PRKN: variants seen among roughly 807,000 people sequenced by gnomAD.
The protein encoded by PRKN is E3 ubiquitin-protein ligase parkin.
Under a neutral mutation model 59.5 loss-of-function variants are expected in PRKN, and 56 were observed. The observed-to-expected ratio is 0.94, with a 90% CI of 0.76 to 1.18. The LOEUF (loss-of-function observed/expected upper bound fraction) is 1.18. PRKN is among the 50% of genes most tolerant of loss of function. PRKN has a pLI of 0.00. For synonymous variants in PRKN, 250 were observed against 222.1 expected (o/e 1.13, Z -1.12); for missense variants, 657 against 596.4 (o/e 1.10, Z -1.06).
At chr6:162,295,896 T>C (rs925940524) in intron 2 of PRKN, among the ~76,000 whole-genome samples, 9 of 152,130 alleles carry the variant, frequency 5.9e-5, no homozygotes, top group African/African-American at 2.2e-4. Flanking sequence ...ACAAGGAGCA[T>C]TGTTAATACA....
At chr6:162,225,803 G>A (rs1778143252) in intron 3 of PRKN, among the ~76,000 whole-genome samples, 1 of 151,666 alleles carries the variant, frequency 6.6e-6, no homozygotes, top group Non-Finnish European at 1.5e-5. Flanking sequence ...CATATAAAAG[G>A]ACAATGTGGA....
rs1443309003 is a variant in PRKN, at chr6:162,235,950, GAAGA to G, written c.412+26571_412+26574del. 2.6e-3 allele frequency among the ~76,000 whole-genome samples: 267 copies of G among 102,048 alleles called. 3 individuals are homozygous for G. The highest frequency in any genetic ancestry group is 4.5e-3 in the Middle Eastern group (1 of 224). The allele number at this position is 102,048 out of a possible 152,430, so 66.9% of individuals were successfully genotyped here. A position where few individuals can be genotyped will look rare whatever the true frequency, so the allele number is the denominator to read the frequency against. On this transcript the variant is annotated intron_variant, in intron 3 of 11. Transcript: ENST00000366898. The stretch of plus-strand genomic sequence containing the variant: ...GGAAGGAAGGAAGGAAGGAAGGAAG[GAAGA>G]AAGGAAGAAAGAAAGAAAGAAAGAA...
chr6:162,075,629 C>T (rs1778790021), intron 4 of PRKN, among the ~76,000 whole-genome samples: 1 of 144,734 alleles, frequency 6.9e-6, no homozygotes, highest in African/African-American at 2.6e-5. Flanking sequence ...CAACAACTAT[C>T]TTGACCACTC....
chr6:162,294,339 C>G (rs1019774391), intron 2 of PRKN, among the ~76,000 whole-genome samples: 1 of 150,816 alleles, frequency 6.6e-6, no homozygotes, highest in Admixed American at 6.6e-5. Flanking sequence ...AGGAGGTGAA[C>G]AGAGAGAGAG....
chr6:162,094,947 G>A (rs944788795), intron 4 of PRKN, among the ~76,000 whole-genome samples: 1 of 152,100 alleles, frequency 6.6e-6, no homozygotes, highest in Non-Finnish European at 1.5e-5. Context: ...AAATAGTATT[G>A]ATGGAGATGT....
rs138200180 is a variant in PRKN, at chr6:162,630,305, G to A, written c.7+97357C>T. On this transcript the variant is annotated intron_variant, in intron 1 of 11. Coordinates refer to ENST00000366898, the MANE Select transcript of PRKN (RefSeq NM_004562.3). Reference sequence around the variant, plus strand: ...CCTGCCAAGCTAACAGGTTTTCTTCGTACTAATGCTGCACAGATCTTCAGA... The same window carrying A: ...CCTGCCAAGCTAACAGGTTTTCTTCATACTAATGCTGCACAGATCTTCAGA... Among the ~76,000 whole-genome samples, 69 of 152,096 alleles carry A rather than the reference G, an allele frequency of 4.5e-4. 1 individual carries two copies. The East Asian group carries it at 0.012, about 26-fold the overall frequency.
chr6:161,384,858 CG>C (rs1562411186), intron 10 of PRKN, among the ~76,000 whole-genome samples: 1 of 152,148 alleles, frequency 6.6e-6, no homozygotes, highest in African/African-American at 2.4e-5. Context: ...ACTGTAATTA[CG>C]ATATTCATTT....
At chr6:162,040,879 A>G (rs1784044883) in intron 5 of PRKN, among the ~76,000 whole-genome samples, 1 of 151,958 alleles carries the variant, frequency 6.6e-6, no homozygotes, top group Admixed American at 6.6e-5. Flanking sequence ...AGACAGGGAC[A>G]GAGTGGAGGG....
chr6:162,660,185 T>C (rs1353761519), intron 1 of PRKN, among the ~76,000 whole-genome samples: 2 of 152,240 alleles, frequency 1.3e-5, no homozygotes, highest in Non-Finnish European at 2.9e-5. Flanking sequence ...CATTTTATTA[T>C]AAAGAAGTCA....
chr6:162,031,526 T>C (rs1562472577), intron 5 of PRKN, among the ~76,000 whole-genome samples: 1 of 146,970 alleles, frequency 6.8e-6, no homozygotes, highest in Non-Finnish European at 1.5e-5. Flanking sequence ...CTTTTCTTTT[T>C]CTTTTCTTTT....
rs559454207 is a variant in PRKN, at chr6:162,063,320, T to C, written c.535-9146A>G. Among the ~76,000 whole-genome samples the C allele has an allele frequency of 2.0e-5, 3 of 152,322 alleles. No individual in the cohort carries two copies. The East Asian group carries it at 5.8e-4, about 29-fold the overall frequency. On this transcript the variant is annotated intron_variant, in intron 4 of 11. Transcript: ENST00000366898. ...ATAAGCAAAAACCTTGAACAGGCTA[T>C]TCACAAAACAAGACGTATAAGTGGC...
intron 9 of PRKN, among the ~76,000 whole-genome samples, chr6:161,472,194 T>C (rs1790826565): frequency 6.6e-6 from 1 of 152,154 alleles, no homozygotes; most frequent in South Asian, 2.1e-4. Flanking sequence ...AGAGGGAGGT[T>C]GATTTTAGCT....
intron 1 of PRKN, among the ~76,000 whole-genome samples, chr6:162,705,492 C>T (rs921052761): frequency 6.6e-5 from 10 of 152,028 alleles, no homozygotes; most frequent in Non-Finnish European, 8.8e-5. Flanking sequence ...ATTAAGCAAA[C>T]GATACCAGTC....
chr6:161,367,135 C>G (rs1019571966), intron 10 of PRKN, among the ~76,000 whole-genome samples: 1 of 151,692 alleles, frequency 6.6e-6, no homozygotes, highest in South Asian at 2.1e-4. Context: ...GGACTACAGG[C>G]GCCCGCCACC....
At chr6:161,617,770 A>T (rs1782749980) in intron 7 of PRKN, among the ~76,000 whole-genome samples, 1 of 152,252 alleles carries the variant, frequency 6.6e-6, no homozygotes, top group Admixed American at 6.5e-5. Context: ...CATGTTTTAC[A>T]TATGAAATGG....
rs558458502 is a variant in PRKN, at chr6:162,351,812, C to T, written c.172-89047G>A. On this transcript the variant is annotated intron_variant, in intron 2 of 11. Coordinates refer to ENST00000366898, the MANE Select transcript of PRKN (RefSeq NM_004562.3). ...AAGAATCCAGTCAAAATGTATATAC[C>T]CTGAGGTTTTTGTGTGTGTTTGTGT... Among the ~76,000 whole-genome samples the T allele has an allele frequency of 7.3e-5, 11 of 151,610 alleles. No homozygotes were observed. In the East Asian group the frequency reaches 2.1e-3, roughly 29 times the overall value.
At position 162,170,555 on chromosome 6, in the gene PRKN, C is replaced by T. The variant is rs146750396; in HGVS notation, c.534+30576G>A. On this transcript the variant is annotated intron_variant, in intron 4 of 11. Coordinates refer to ENST00000366898, the MANE Select transcript of PRKN (RefSeq NM_004562.3). Reference sequence around the variant, plus strand: ...TTCCCCTAATAAATTCTACTGCATTCTTGGAAAGCATTAAAAGTATAACAG... The same window carrying T: ...TTCCCCTAATAAATTCTACTGCATTTTTGGAAAGCATTAAAAGTATAACAG... 5.9e-3 allele frequency among the ~76,000 whole-genome samples: 900 copies of T among 152,270 alleles called. 4 individuals are homozygous for T. The highest frequency in any genetic ancestry group is 0.018 in the South Asian group (85 of 4,822).
chr6:162,254,472 G>T (rs933770621), intron 3 of PRKN, among the ~76,000 whole-genome samples: 1 of 151,326 alleles, frequency 6.6e-6, no homozygotes, highest in Non-Finnish European at 1.5e-5. Flanking sequence ...AAAAAAAAAG[G>T]AAATATCCAA....
intron 6 of PRKN, among the ~76,000 whole-genome samples, chr6:161,963,367 AC>A (rs1780459044): frequency 6.6e-6 from 1 of 152,222 alleles, no homozygotes; most frequent in African/African-American, 2.4e-5. Context: ...ATGCACAAGC[AC>A]CTGTGACATC....
Sources: allele counts gnomAD v4.1 joint callset (sites outside exome capture counted in the v4.1 genomes callset), GRCh38; gene constraint gnomAD v4.1.1; transcripts MANE v1.5; gene names NCBI Gene and HGNC (gene_info 2026-07-23, HGNC 2026-07-21).